Variants in CHCHD3 observed in about 807,000 individuals in gnomAD.
The protein encoded by CHCHD3 is coiled-coil-helix-coiled-coil-helix domain containing 3.
CHCHD3 carries 20 observed loss-of-function variants against 38.2 expected under a neutral mutation model. The observed-to-expected ratio is 0.52, with a 90% CI of 0.37 to 0.76. The LOEUF is 0.76. CHCHD3 is among the 30% of genes least tolerant of loss of function. The probability of loss-of-function intolerance (pLI) is 0.00; values close to 1 mark genes in which losing one functional copy is unlikely to be tolerated. For synonymous variants in CHCHD3, 82 were observed against 100.0 expected (o/e 0.82, Z 1.07); for missense variants, 245 against 279.2 (o/e 0.88, Z 0.87).
chr7:132,861,107 G>C (rs116702722), intron 5 of CHCHD3, among the ~76,000 whole-genome samples: 2 of 152,300 alleles, frequency 1.3e-5, no homozygotes, highest in African/African-American at 2.4e-5. Flanking sequence ...TTTGGAAGTA[G>C]AATCAACAGA....
At chr7:132,956,521 A>C (rs11983398) in intron 4 of CHCHD3, among the ~76,000 whole-genome samples, 7 of 152,028 alleles carry the variant, frequency 4.6e-5, no homozygotes, top group African/African-American at 1.4e-4. Context: ...AGGCAAGTCA[A>C]GTTATAAATT....
intron 4 of CHCHD3, among the ~76,000 whole-genome samples, chr7:132,895,602 G>A (rs1408258775): frequency 5.3e-5 from 8 of 152,258 alleles, no homozygotes; most frequent in Admixed American, 3.9e-4. Flanking sequence ...AATAATGGGG[G>A]AAGGTTTTTC....
At chr7:133,021,896 C>A (rs1343096828) in intron 3 of CHCHD3, among the ~76,000 whole-genome samples, 1 of 151,990 alleles carries the variant, frequency 6.6e-6, no homozygotes, top group Admixed American at 6.6e-5. Context: ...ACCAGCCTGG[C>A]CAATATGGTG....
intron 2 of CHCHD3, among the ~76,000 whole-genome samples, chr7:133,040,715 A>G (rs545242365): frequency 6.6e-6 from 1 of 152,276 alleles, no homozygotes; most frequent in Non-Finnish European, 1.5e-5. Flanking sequence ...GAACACGTCG[A>G]TGATGTATAT....
intron 5 of CHCHD3, among the ~76,000 whole-genome samples, chr7:132,854,868 C>T (rs1399721030): frequency 6.6e-6 from 1 of 152,138 alleles, no homozygotes; most frequent in Non-Finnish European, 1.5e-5. Context: ...GGAGATTCTT[C>T]CTATACAAGG....
chr7:133,004,729 C>G (rs1388092928), intron 3 of CHCHD3, among the ~76,000 whole-genome samples: 1 of 152,122 alleles, frequency 6.6e-6, no homozygotes, highest in African/African-American at 2.4e-5. Flanking sequence ...AGTGGGCAAA[C>G]TTTTTTAAAT....
chr7:132,857,862 G>T (rs1352258819), intron 5 of CHCHD3, among the ~76,000 whole-genome samples: 2 of 152,152 alleles, frequency 1.3e-5, no homozygotes, highest in Non-Finnish European at 2.9e-5. Context: ...GGAGCTGAAG[G>T]AGAGTAAAGT....
At chr7:133,014,528 C>CAAAAA (rs1812972182) in intron 3 of CHCHD3, among the ~76,000 whole-genome samples, 1 of 143,474 alleles carries the variant, frequency 7.0e-6, no homozygotes, top group South Asian at 2.3e-4. Flanking sequence ...GATTTCAAAA[C>CAAAAA]ATCTAAATTT....
intron 4 of CHCHD3, among the ~76,000 whole-genome samples, chr7:132,950,765 C>T (rs955141844): frequency 8.5e-5 from 13 of 152,092 alleles, no homozygotes; most frequent in Admixed American, 7.9e-4. Context: ...TAGTAGGTTG[C>T]TATGTGGTTT....
intron 4 of CHCHD3, among the ~76,000 whole-genome samples, chr7:132,964,512 C>T (rs1047090995): frequency 1.3e-5 from 2 of 152,072 alleles, no homozygotes; most frequent in African/African-American, 2.4e-5. Flanking sequence ...ACCCGGGAGG[C>T]GGAAGGTTGC....
In CHCHD3 at chr7:132,816,061, G is replaced by A. The variant is rs1392127942; in HGVS notation, c.525-19484C>T. ...CCCTAGTGTTCTATCTTTAGCATTG[G>A]GTTGGACTTTCTTGGTTCGGCACTT... is the stretch of plus-strand genomic sequence containing the variant. On this transcript the variant is annotated intron_variant, in intron 6 of 7. Coordinates refer to ENST00000262570, the MANE Select transcript of CHCHD3 (RefSeq NM_017812.4). 3.3e-5 allele frequency among the ~76,000 whole-genome samples: 5 copies of A among 152,282 alleles called. No homozygotes were observed. The East Asian group carries it at 9.6e-4, about 29-fold the overall frequency.
At chr7:132,820,616 T>TTG (rs1563245302) in intron 6 of CHCHD3, among the ~76,000 whole-genome samples, 1 of 149,516 alleles carries the variant, frequency 6.7e-6, no homozygotes, top group South Asian at 2.1e-4. Context: ...CTAGTGTTTT[T>TTG]TTTTTTTTTT....
At chr7:133,037,798 C>T (rs567735215) in intron 2 of CHCHD3, among the ~76,000 whole-genome samples, 13 of 152,136 alleles carry the variant, frequency 8.5e-5, no homozygotes, top group South Asian at 4.2e-4. Flanking sequence ...GGCGACAGAG[C>T]GAGAGACTGT....
intron 3 of CHCHD3, among the ~76,000 whole-genome samples, chr7:133,008,369 GA>G (rs10708536): frequency 0.97 from 137,631 of 141,594 alleles, 66,883 homozygotes; most frequent in Middle Eastern, 1. Flanking sequence ...TTTAAGAGAA[GA>G]AAAAAAAAAA....
At chr7:132,986,456 T>C (rs1234685783) in intron 3 of CHCHD3, among the ~76,000 whole-genome samples, 2 of 145,882 alleles carry the variant, frequency 1.4e-5, no homozygotes, top group Non-Finnish European at 3.0e-5. Context: ...ACAACTTCTA[T>C]ATGAGTGCTG....
At chr7:133,025,744 T>C in intron 2 of CHCHD3, among the ~76,000 whole-genome samples, 1 of 152,204 alleles carries the variant, frequency 6.6e-6, no homozygotes, top group East Asian at 1.9e-4. Context: ...GACCTCATGA[T>C]CCGCCCACCT....
At chr7:132,834,947 C>CATTT (rs71529781) in intron 6 of CHCHD3, among the ~76,000 whole-genome samples, 6,348 of 147,320 alleles carry the variant, frequency 0.043, 157 homozygotes, top group Non-Finnish European at 0.052. Context: ...TTTTTCCTCT[C>CATTT]ATTTATTTAT....
chr7:133,074,822 T>A (rs1163965895), intron 1 of CHCHD3, among the ~76,000 whole-genome samples: 2 of 152,216 alleles, frequency 1.3e-5, no homozygotes, highest in Non-Finnish European at 2.9e-5. Flanking sequence ...ATGAAAATAA[T>A]GTTTACCCCA....
chr7:132,820,617 T>C (rs925267869), intron 6 of CHCHD3, among the ~76,000 whole-genome samples: 1 of 149,600 alleles, frequency 6.7e-6, no homozygotes, highest in Non-Finnish European at 1.5e-5. Flanking sequence ...TAGTGTTTTT[T>C]TTTTTTTTTT....
Sources: gnomAD v4.1 joint callset for allele counts (sites outside exome capture counted in the v4.1 genomes callset) on GRCh38, gnomAD v4.1.1 for gene constraint, MANE v1.5 for transcripts, NCBI Gene and HGNC (gene_info 2026-07-23, HGNC 2026-07-21) for gene names.